Variants in ST6GAL2 observed in about 807,000 individuals in gnomAD.
ST6GAL2 encodes beta-galactoside alpha-2,6-sialyltransferase 2.
ST6GAL2 carries 24 observed loss-of-function variants against 37.5 expected under a neutral mutation model. The observed-to-expected ratio is 0.64, with a 90% CI of 0.46 to 0.90. ST6GAL2 has a LOEUF of 0.90. Ranked by LOEUF, ST6GAL2 falls within the 40% of genes least tolerant of loss-of-function variation. ST6GAL2 has a pLI of 0.00. For synonymous variants in ST6GAL2, 306 were observed against 295.1 expected (o/e 1.04, Z -0.38); for missense variants, 715 against 712.7 (o/e 1.00, Z -0.04).
intron 1 of ST6GAL2, among the ~76,000 whole-genome samples, chr2:106,876,781 G>T (rs1678519062): frequency 6.6e-6 from 1 of 152,172 alleles, no homozygotes; most frequent in South Asian, 2.1e-4. Flanking sequence ...GCAATTTTCT[G>T]GTTAAGGTAT....
rs1364560051 is a variant in ST6GAL2, at chr2:106,804,320, A to G, written c.*2358T>C. The G allele has an allele frequency of 6.6e-6, 1 of 152,190 alleles. No homozygotes were observed. Among genetic ancestry groups the G allele is most frequent in the Non-Finnish European group, 1.5e-5 (1 of 68,026 alleles). 9.4% of individuals were successfully genotyped at this position (152,190 alleles called of 1,614,324 possible). On this transcript the variant is annotated 3_prime_UTR_variant, in exon 6 of 6. Transcript: ENST00000409382. ...TCTCCTCTAACCAAGTTCTCATGTC[A>G]GCCAAGGGGGATTATGCTGGATAGT...
intron 5 of ST6GAL2, among the ~76,000 whole-genome samples, chr2:106,808,292 G>A (rs1439174485): frequency 6.6e-6 from 1 of 152,172 alleles, no homozygotes; most frequent in Non-Finnish European, 1.5e-5. Context: ...AGGGGTAGAA[G>A]GAAACAGGAG....
rs1273107199 is a variant in ST6GAL2, at chr2:106,863,502, C to T, written c.-57-19468G>A. On this transcript the variant is annotated intron_variant, in intron 1 of 5. Coordinates refer to ENST00000409382, the MANE Select transcript of ST6GAL2 (RefSeq NM_001142351.2). ...TTTGGGGGAGCACAGGTGACCCCCC[C>T]GTCTAACGCACAATGTTTCTGAGGC... is the stretch of plus-strand genomic sequence containing the variant. 2.6e-5 allele frequency among the ~76,000 whole-genome samples: 4 copies of T among 152,206 alleles called. No individual in the cohort carries two copies. In the East Asian group the frequency reaches 5.8e-4, roughly 22 times the overall value.
intron 1 of ST6GAL2, among the ~76,000 whole-genome samples, chr2:106,846,917 G>A (rs1417058814): frequency 6.6e-6 from 1 of 152,142 alleles, no homozygotes; most frequent in Non-Finnish European, 1.5e-5. Flanking sequence ...TTCTAGATGA[G>A]GGAACTGAGT....
At chr2:106,885,492 C>T (rs1678940444) in intron 1 of ST6GAL2, among the ~76,000 whole-genome samples, 1 of 152,144 alleles carries the variant, frequency 6.6e-6, no homozygotes, top group Admixed American at 6.5e-5. Flanking sequence ...AGCTATTCAG[C>T]TCTTTGGAAG....
intron 1 of ST6GAL2, among the ~76,000 whole-genome samples, chr2:106,884,934 T>TATATATATATATATATATATATATATAC (rs1425070594): frequency 1.7e-5 from 2 of 120,454 alleles, no homozygotes; most frequent in Non-Finnish European, 3.3e-5. Context: ...TATATATATA[T>TATATATATATATATATATATATATATAC]ACATACACAC....
chr2:106,868,555 G>C (rs1197979230), intron 1 of ST6GAL2, among the ~76,000 whole-genome samples: 1 of 152,204 alleles, frequency 6.6e-6, no homozygotes, highest in African/African-American at 2.4e-5. Context: ...AAGTCCCAAA[G>C]CAAAGATCGC....
At chr2:106,863,844 T>TA (rs1677910539) in intron 1 of ST6GAL2, among the ~76,000 whole-genome samples, 1 of 152,176 alleles carries the variant, frequency 6.6e-6, no homozygotes, top group African/African-American at 2.4e-5. Context: ...TCTTTCCTCT[T>TA]ACTTGGGAAG....
Position 106,832,654 on chromosome 2 carries a change from G to T in ST6GAL2, c.1054C>A (p.Pro352Thr). The T allele has an allele frequency of 6.2e-7, 1 of 1,610,362 alleles. No homozygotes were observed. Among genetic ancestry groups the T allele is most frequent in the Non-Finnish European group, 8.5e-7 (1 of 1,176,694 alleles). Reference protein sequence around the residue: ...RIINSQILTNPSHHFIDSSLY... With the variant: ...RIINSQILTNTSHHFIDSSLY... ...GAACTGTCAATGAAGTGATGGCTGG[G>T]GTTGGTCAGAATCTGCAAACACACA... Residue 352 changes from proline to threonine, a missense_variant, in exon 4 of 6, where the codon CCC (proline) becomes ACC (threonine). Pro to Thr is a conservative substitution (Grantham distance 38). Coordinates refer to ENST00000409382, the MANE Select transcript of ST6GAL2 (RefSeq NM_001142351.2).
At chr2:106,847,025 C>G (rs1001491624) in intron 1 of ST6GAL2, among the ~76,000 whole-genome samples, 1 of 152,228 alleles carries the variant, frequency 6.6e-6, no homozygotes, top group East Asian at 1.9e-4. Context: ...TCACACCTTT[C>G]ACAGTAAGTT....
chr2:106,833,194 T>A (rs560033822), intron 3 of ST6GAL2, among the ~76,000 whole-genome samples: 1 of 152,350 alleles, frequency 6.6e-6, no homozygotes, highest in Non-Finnish European at 1.5e-5. Context: ...GATACTTTTT[T>A]TTTTTAACCA....
At chr2:106,823,488 G>GCAC (rs1676085377) in intron 5 of ST6GAL2, among the ~76,000 whole-genome samples, 1 of 100,066 alleles carries the variant, frequency 1.0e-5, no homozygotes, top group Non-Finnish European at 2.0e-5. Context: ...CACACACACA[G>GCAC]AGAGAGAGAG....
intron 1 of ST6GAL2, among the ~76,000 whole-genome samples, chr2:106,848,230 C>A (rs117236882): frequency 6.6e-6 from 1 of 152,142 alleles, no homozygotes; most frequent in East Asian, 1.9e-4. Context: ...CTGAAGCTAT[C>A]TGGGGACAAA....
At position 106,884,890 on chromosome 2, in the gene ST6GAL2, C is replaced by A. The variant is rs1678897132; in HGVS notation, c.-58+1203G>T. Among the ~76,000 whole-genome samples, 3 of 122,410 alleles carry A rather than the reference C, an allele frequency of 2.5e-5. 1 individual carries two copies. The highest frequency in any genetic ancestry group is 2.5e-4 in the South Asian group (1 of 3,958). The allele number at this position is 122,410 out of a possible 152,430, so 80.3% of individuals were successfully genotyped here. On this transcript the variant is annotated intron_variant, in intron 1 of 5. Coordinates refer to ENST00000409382, the MANE Select transcript of ST6GAL2 (RefSeq NM_001142351.2). ...GTTTTCCTTTTAAAAAAAGTTTTAA[C>A]CCTAAATTTGCAGCGCATATATATA...
At chr2:106,822,489 G>C (rs981096561) in intron 5 of ST6GAL2, among the ~76,000 whole-genome samples, 1 of 151,906 alleles carries the variant, frequency 6.6e-6, no homozygotes, top group Non-Finnish European at 1.5e-5. Context: ...CATGAAAGAA[G>C]TTGAAGAGGC....
chr2:106,864,592 G>A (rs1266528705), intron 1 of ST6GAL2, among the ~76,000 whole-genome samples: 1 of 152,050 alleles, frequency 6.6e-6, no homozygotes, highest in Non-Finnish European at 1.5e-5. Flanking sequence ...TCCAACATAA[G>A]TTTTTTTCAT....
At chr2:106,851,973 A>G (rs1191821276) in intron 1 of ST6GAL2, among the ~76,000 whole-genome samples, 1 of 152,166 alleles carries the variant, frequency 6.6e-6, no homozygotes, top group East Asian at 1.9e-4. Context: ...AGCAAAGAGG[A>G]AGATACCTCC....
chr2:106,834,945 A>C (rs1474230433), intron 2 of ST6GAL2: 6 of 152,162 alleles, frequency 3.9e-5, no homozygotes, highest in African/African-American at 1.4e-4. Context: ...AAGTTCTCTG[A>C]ATGCTGGGCT....
intron 5 of ST6GAL2, among the ~76,000 whole-genome samples, chr2:106,818,466 C>A (rs1675886508): frequency 6.7e-6 from 1 of 150,166 alleles, no homozygotes; most frequent in African/African-American, 2.5e-5. Context: ...TCCAAGACCA[C>A]CAAGGCAGTA....
Sources: allele counts gnomAD v4.1 joint callset (sites outside exome capture counted in the v4.1 genomes callset), GRCh38; gene constraint gnomAD v4.1.1; transcripts MANE v1.5; gene names NCBI Gene and HGNC (gene_info 2026-07-23, HGNC 2026-07-21).